The following GOT2 variants were observed in gnomAD, a reference collection of about 807,000 sequenced individuals.
GOT2 encodes glutamic-oxaloacetic transaminase 2.
A neutral mutation model predicts 50.0 loss-of-function variants in GOT2; 17 were observed. That is an observed-to-expected ratio of 0.34 (90% CI 0.23 to 0.51). GOT2 has a LOEUF of 0.51. Ranked by LOEUF, GOT2 falls within the 20% of genes least tolerant of loss-of-function variation. The pLI, the probability that GOT2 is intolerant of heterozygous loss-of-function variation, is 0.97. For missense variants in GOT2, 430 were observed against 559.6 expected, an observed-to-expected ratio of 0.77 and a Z score of 2.34; for synonymous variants, 172 against 204.9, an observed-to-expected ratio of 0.84 and a Z score of 1.37.
chr16:58,718,920 G>C (rs535495018), intron 4 of GOT2, among the ~76,000 whole-genome samples: 82 of 152,246 alleles, frequency 5.4e-4, no homozygotes, highest in African/African-American at 1.8e-3. Flanking sequence ...TTGTAAAGGG[G>C]GTTAATTGTA....
At position 58,716,121 on chromosome 16, in the gene GOT2, T is replaced by C; in HGVS notation, c.912A>G (p.Val304=). 2 of 1,613,946 alleles carry C rather than the reference T, an allele frequency of 1.2e-6. No individual in the cohort carries two copies. The highest frequency in any genetic ancestry group is 1.7e-6 in the Non-Finnish European group (2 of 1,179,830). ...VCKDADEAKR[V]ESQLKILIRP... ...GGATCAAGATCTTCAACTGTGACTC[T>C]ACCCTTTTGGCTTCATCCGCATCTT... is the stretch of plus-strand genomic sequence containing the variant. The change falls in exon 8 of 10, where the codon GTA becomes GTG. Residue 304 remains valine (V), a synonymous_variant. Transcript: ENST00000245206.
At chr16:58,734,085 A>AGCTCG in intron 1 of GOT2, 55 bp downstream of exon 1, 1 of 1,066,902 alleles carries the variant, frequency 9.4e-7, no homozygotes, top group South Asian at 3.6e-5. Context: ...GGGTGCTCGC[A>AGCTCG]GCTCGGCGGG....
chr16:58,715,407 T>C (rs1284098716), intron 8 of GOT2, among the ~76,000 whole-genome samples: 1 of 152,082 alleles, frequency 6.6e-6, no homozygotes, highest in Non-Finnish European at 1.5e-5. Context: ...ATTAACTTGG[T>C]TCAAAGTGCT....
chr16:58,713,977 C>T (rs2044670023), intron 8 of GOT2, among the ~76,000 whole-genome samples: 1 of 152,214 alleles, frequency 6.6e-6, no homozygotes, highest in Non-Finnish European at 1.5e-5. Flanking sequence ...GATTGACTCT[C>T]AGAACAGTTT....
At chr16:58,713,721 A>T (rs2044668001) in intron 8 of GOT2, among the ~76,000 whole-genome samples, 1 of 152,092 alleles carries the variant, frequency 6.6e-6, no homozygotes, top group Non-Finnish European at 1.5e-5. Flanking sequence ...TATACGATAA[A>T]CTCATATAAC....
At position 58,708,374 on chromosome 16, in the gene GOT2, A is replaced by T. The variant is rs562133691; in HGVS notation, c.1171-81T>A. ...CCTGACATGGCACAGTAGCCAACTT[A>T]CCAACGCTCTATTTCCTCGCTTAAA... On this transcript the variant is annotated intron_variant, in intron 9 of 9. Coordinates refer to ENST00000245206, the MANE Select transcript of GOT2 (RefSeq NM_002080.4). 84 of 1,343,244 alleles carry T rather than the reference A, an allele frequency of 6.3e-5. No homozygotes were observed. The African/African-American group carries it at 1.1e-3, about 17-fold the overall frequency. The allele number at this position is 1,343,244 out of a possible 1,614,324, so 83.2% of individuals were successfully genotyped here.
intron 8 of GOT2, among the ~76,000 whole-genome samples, chr16:58,713,772 T>C (rs2044668388): frequency 6.6e-6 from 1 of 152,182 alleles, no homozygotes; most frequent in African/African-American, 2.4e-5. Context: ...TATGAACTCA[T>C]AGAGTAGGGG....
intron 1 of GOT2, among the ~76,000 whole-genome samples, chr16:58,730,898 A>T (rs538143725): frequency 6.6e-6 from 1 of 152,240 alleles, no homozygotes; most frequent in Non-Finnish European, 1.5e-5. Flanking sequence ...ATACAGGCAC[A>T]AAGCCTCAAA....
chr16:58,714,504 A>C (rs892833121), intron 8 of GOT2, among the ~76,000 whole-genome samples: 1 of 150,748 alleles, frequency 6.6e-6, no homozygotes, highest in Non-Finnish European at 1.5e-5. Context: ...GTGAGCCGAG[A>C]TCCCGCCACT....
intron 4 of GOT2, 106 bp downstream of exon 4, chr16:58,719,090 C>T (rs374848727): frequency 5.9e-6 from 5 of 847,268 alleles, no homozygotes; most frequent in Admixed American, 3.7e-5. Flanking sequence ...GCAAACTTCA[C>T]GGAAAGAAGA....
intron 1 of GOT2, among the ~76,000 whole-genome samples, chr16:58,730,742 T>G (rs1004504119): frequency 3.3e-5 from 5 of 152,178 alleles, no homozygotes; most frequent in African/African-American, 1.2e-4. Flanking sequence ...TTATTCCATT[T>G]CTTAAAATGG....
chr16:58,721,691 T>C (rs768930596), intron 3 of GOT2: 1 of 152,486 alleles, frequency 6.6e-6, no homozygotes, highest in African/African-American at 2.4e-5. Context: ...ATGATGGCAA[T>C]TTACTATCAA....
chr16:58,734,148 G>T lies in GOT2; in HGVS notation c.81C>A (p.Ala27=). 1 of 1,333,084 alleles carries T rather than the reference G, an allele frequency of 7.5e-7. No homozygotes were observed. 82.6% of individuals were successfully genotyped at this position (1,333,084 alleles called of 1,614,324 possible). The part of the protein sequence containing the change: ...FHPGLAAAAS[A]RASSWWTHVE... The stretch of plus-strand genomic sequence containing the variant: ...CGTTTCCCTTGGCTTACCTGGCTCT[G>T]GCAGAGGCCGCGGCGGCGAGGCCCG... Residue 27 remains alanine, a synonymous_variant, in exon 1 of 10, where the codon GCC becomes GCA. Coordinates refer to ENST00000245206, the MANE Select transcript of GOT2 (RefSeq NM_002080.4).
At chr16:58,728,743 C>T (rs547553516) in intron 1 of GOT2, among the ~76,000 whole-genome samples, 4 of 152,152 alleles carry the variant, frequency 2.6e-5, no homozygotes, top group Admixed American at 6.5e-5. Flanking sequence ...TGTAGTGGCA[C>T]GATCTCAGCT....
chr16:58,723,928 A>G, intron 1 of GOT2, 26 bp from the exon 2 acceptor site: 2 of 1,596,588 alleles, frequency 1.3e-6, no homozygotes, highest in Non-Finnish European at 1.7e-6. Flanking sequence ...CATTAGCTCA[A>G]TCCCATTAGC....
At chr16:58,719,311 AC>A in intron 3 of GOT2, 56 bp from the exon 4 acceptor site, 1 of 1,155,554 alleles carries the variant, frequency 8.7e-7, no homozygotes, top group Non-Finnish European at 1.3e-6. Context: ...ACAGGCCCAG[AC>A]CCAGGGCCAC....
chr16:58,732,377 C>T (rs918660825), intron 1 of GOT2, among the ~76,000 whole-genome samples: 2 of 151,838 alleles, frequency 1.3e-5, no homozygotes, highest in African/African-American at 4.8e-5. Flanking sequence ...TAAGATTAGT[C>T]GAGAGAAGGA....
At chr16:58,712,630 G>C (rs2044658633) in intron 8 of GOT2, among the ~76,000 whole-genome samples, 1 of 152,104 alleles carries the variant, frequency 6.6e-6, no homozygotes, top group South Asian at 2.1e-4. Flanking sequence ...TGGCATCTTT[G>C]TCTACTACAG....
intron 1 of GOT2, 48 bp from the exon 2 acceptor site, chr16:58,723,950 T>A: frequency 6.6e-7 from 1 of 1,521,718 alleles, no homozygotes; most frequent in Non-Finnish European, 9.0e-7. Flanking sequence ...AGATCCAAGA[T>A]CCATTTTACT....
Sources: gnomAD v4.1 joint callset for allele counts (sites outside exome capture counted in the v4.1 genomes callset) on GRCh38, gnomAD v4.1.1 for gene constraint, MANE v1.5 for transcripts, NCBI Gene and HGNC (gene_info 2026-07-23, HGNC 2026-07-21) for gene names.